The following SUSD5 variants were observed in gnomAD, a reference collection of about 807,000 sequenced individuals.
SUSD5 encodes sushi domain-containing protein 5.
In SUSD5, 33 loss-of-function variants were observed where a neutral mutation model predicts 29.5. The ratio of observed to expected loss-of-function variants is 1.12; its 90% CI spans 0.85 to 1.49. The LOEUF (loss-of-function observed/expected upper bound fraction) is 1.49. Ranked by LOEUF, SUSD5 falls within the 40% of genes most tolerant of loss-of-function variation. The probability of loss-of-function intolerance (pLI) is 0.00; values close to 1 mark genes in which losing one functional copy is unlikely to be tolerated. For synonymous variants in SUSD5, 308 were observed against 325.3 expected (o/e 0.95, Z 0.57); for missense variants, 776 against 800.6 (o/e 0.97, Z 0.37).
At chr3:33,190,424 A>T in intron 3 of SUSD5, 1 of 152,504 alleles carries the variant, frequency 6.6e-6, no homozygotes, top group East Asian at 1.9e-4. Context: ...TTTAGTTTGT[A>T]GCTTGTTAAT....
At chr3:33,184,430 G>A (rs1320183825) in intron 3 of SUSD5, among the ~76,000 whole-genome samples, 1 of 152,076 alleles carries the variant, frequency 6.6e-6, no homozygotes, top group Non-Finnish European at 1.5e-5. Flanking sequence ...CCTACTTGGT[G>A]TACTCTGAGC....
Position 33,151,558 on chromosome 3 carries a change from T to C in SUSD5, c.*1184A>G, listed in dbSNP as rs1260321059. 1.3e-5 allele frequency: 2 copies of C among 152,020 alleles called. No individual in the cohort carries two copies. The highest frequency in any genetic ancestry group is 4.8e-5 in the African/African-American group (2 of 41,324). 9.4% of individuals were successfully genotyped at this position (152,020 alleles called of 1,614,324 possible). ...CCTCTGAAAACATTTCTTTTTTTTTTCTCCCGTGTCATTCTCTCTTACTGG... is the reference window on the plus strand; with the variant it reads ...CCTCTGAAAACATTTCTTTTTTTTTCCTCCCGTGTCATTCTCTCTTACTGG... On this transcript the variant is annotated 3_prime_UTR_variant, in exon 5 of 5. Coordinates refer to ENST00000309558, the MANE Select transcript of SUSD5 (RefSeq NM_015551.2).
intron 4 of SUSD5, 88 bp from the exon 5 acceptor site, chr3:33,154,121 G>C (rs1462727362): frequency 5.5e-6 from 6 of 1,098,966 alleles, no homozygotes; most frequent in Non-Finnish European, 6.3e-6. Context: ...AAGCATAAAG[G>C]CTGGGACAGA....
At chr3:33,186,706 T>G (rs2031787077) in intron 3 of SUSD5, among the ~76,000 whole-genome samples, 1 of 152,154 alleles carries the variant, frequency 6.6e-6, no homozygotes, top group South Asian at 2.1e-4. Flanking sequence ...ATTACAGGTG[T>G]GAGCCACCAC....
At chr3:33,190,721 C>T (rs553453661) in intron 3 of SUSD5, among the ~76,000 whole-genome samples, 62 of 152,300 alleles carry the variant, frequency 4.1e-4, no homozygotes, top group Middle Eastern at 6.8e-3. Context: ...CAGGCAGAGG[C>T]TTTCTCTGGG....
rs778258917 is a variant in SUSD5 at position 33,207,948 on chromosome 3, C to T, written c.291-22G>A. Reference sequence around the variant, plus strand: ...TGTTCTGAAATAGACAAAAAAGGCACTGAATGAGGAAAACTCTGGGTTGAA... The same window carrying T: ...TGTTCTGAAATAGACAAAAAAGGCATTGAATGAGGAAAACTCTGGGTTGAA... On this transcript the variant is annotated intron_variant, in intron 2 of 4. Coordinates refer to ENST00000309558, the MANE Select transcript of SUSD5 (RefSeq NM_015551.2). The T allele has an allele frequency of 8.3e-6, 13 of 1,570,712 alleles. No homozygotes were observed. The East Asian group carries it at 2.5e-4, about 30-fold the overall frequency.
In SUSD5 at chr3:33,152,525, C is replaced by A; in HGVS notation, c.*217G>T. The A allele has an allele frequency of 1.8e-6, 1 of 563,660 alleles. No individual in the cohort carries two copies. Among genetic ancestry groups the A allele is most frequent in the Admixed American group, 3.4e-5 (1 of 29,602 alleles). The allele number at this position is 563,660 out of a possible 1,614,324, so 34.9% of individuals were successfully genotyped here. A position where few individuals can be genotyped will look rare whatever the true frequency, so the allele number is the denominator to read the frequency against. On this transcript the variant is annotated 3_prime_UTR_variant, in exon 5 of 5. Transcript: ENST00000309558. ...GGGATTAGTGTAGTCAATTCCAGGG[C>A]AGATGGTGGAGGAGACATTGACATG...
intron 2 of SUSD5, among the ~76,000 whole-genome samples, chr3:33,210,960 G>A (rs758417581): frequency 7.9e-5 from 12 of 152,084 alleles, no homozygotes; most frequent in Admixed American, 2.0e-4. Context: ...TGCAACCTCT[G>A]TCTCCCTGGT....
chr3:33,199,388 C>T (rs2032063115), intron 3 of SUSD5, among the ~76,000 whole-genome samples: 1 of 152,232 alleles, frequency 6.6e-6, no homozygotes, highest in South Asian at 2.1e-4. Context: ...ATTCTCCTGC[C>T]TCAGCCTCCT....
intron 4 of SUSD5, among the ~76,000 whole-genome samples, chr3:33,159,982 C>A (rs79796047): frequency 2.6e-5 from 4 of 152,086 alleles, no homozygotes; most frequent in Non-Finnish European, 5.9e-5. Context: ...CCTAGAGAGA[C>A]GCAAAGTGGA....
chr3:33,205,202 A>G (rs1317916164), intron 3 of SUSD5, among the ~76,000 whole-genome samples: 1 of 152,176 alleles, frequency 6.6e-6, no homozygotes, highest in East Asian at 1.9e-4. Context: ...ATACAATACT[A>G]TTATTTAATT....
chr3:33,154,560 CAAA>C (rs935863080), intron 4 of SUSD5, among the ~76,000 whole-genome samples: 4 of 148,842 alleles, frequency 2.7e-5, no homozygotes, highest in Admixed American at 2.6e-4. Context: ...ACAACAACAA[CAAA>C]AAACATGTGA....
At chr3:33,171,628 G>C (rs1376682661) in intron 4 of SUSD5, among the ~76,000 whole-genome samples, 1 of 152,126 alleles carries the variant, frequency 6.6e-6, no homozygotes, top group Non-Finnish European at 1.5e-5. Flanking sequence ...ATTTGAACCT[G>C]AGTTGTCAGT....
intron 2 of SUSD5, 111 bp downstream of exon 2, chr3:33,213,817 G>A: frequency 1.8e-6 from 2 of 1,140,342 alleles, no homozygotes; most frequent in South Asian, 1.7e-5. Context: ...ACACGCTACT[G>A]CCCACTGTAC....
At chr3:33,218,652 C>G in intron 1 of SUSD5, 34 bp downstream of exon 1, 2 of 1,075,582 alleles carry the variant, frequency 1.9e-6, no homozygotes, top group African/African-American at 1.6e-5. Flanking sequence ...ACCCCACGCT[C>G]CACCCCCCGC....
intron 3 of SUSD5, among the ~76,000 whole-genome samples, chr3:33,175,593 A>G (rs544248458): frequency 1.3e-5 from 2 of 152,086 alleles, no homozygotes; most frequent in Non-Finnish European, 2.9e-5. Flanking sequence ...ACACACATAT[A>G]TATACACACA....
At chr3:33,159,720 C>CAT (rs1267208620) in intron 4 of SUSD5, among the ~76,000 whole-genome samples, 1 of 151,678 alleles carries the variant, frequency 6.6e-6, no homozygotes, top group Non-Finnish European at 1.5e-5. Context: ...CACACACACA[C>CAT]ACACAAACAC....
rs368833445 is a variant in SUSD5 at position 33,176,720 on chromosome 3, A to C, written c.410-1646T>G. Among the ~76,000 whole-genome samples, 42 of 152,314 alleles carry C rather than the reference A, an allele frequency of 2.8e-4. 1 individual carries two copies. In the South Asian group the frequency reaches 8.7e-3, roughly 32 times the overall value. Reference sequence around the variant, plus strand: ...CTATGATAACTTCTAGCAGTCTTACAGTTTTGGGTTTTACATTTAGGTCTA... The same window carrying C: ...CTATGATAACTTCTAGCAGTCTTACCGTTTTGGGTTTTACATTTAGGTCTA... On this transcript the variant is annotated intron_variant, in intron 3 of 4. Transcript: ENST00000309558.
At chr3:33,193,654 A>C (rs921562384) in intron 3 of SUSD5, among the ~76,000 whole-genome samples, 4 of 152,088 alleles carry the variant, frequency 2.6e-5, no homozygotes, top group African/African-American at 9.7e-5. Flanking sequence ...GTGTTGAGTG[A>C]GTGAGGGGAG....
Sources: gnomAD v4.1 joint callset for allele counts (sites outside exome capture counted in the v4.1 genomes callset) on GRCh38, gnomAD v4.1.1 for gene constraint, MANE v1.5 for transcripts, NCBI Gene and HGNC (gene_info 2026-07-23, HGNC 2026-07-21) for gene names.